The following TRIM24 variants were observed in gnomAD, a reference collection of about 807,000 sequenced individuals.
TRIM24 encodes transcription intermediary factor 1-alpha.
TRIM24 carries 29 observed loss-of-function variants against 123.9 expected under a neutral mutation model. That is an observed-to-expected ratio of 0.23 (90% CI 0.17 to 0.32). The LOEUF (loss-of-function observed/expected upper bound fraction) is 0.32. TRIM24 is among the 10% of genes least tolerant of loss of function. The probability of loss-of-function intolerance (pLI) is 1.00; values close to 1 mark genes in which losing one functional copy is unlikely to be tolerated. For missense variants in TRIM24, 932 were observed against 1,295.3 expected (o/e 0.72, Z 4.31); for synonymous variants, 456 against 461.1 (o/e 0.99, Z 0.14).
At chr7:138,557,072 GAGTAATGGTAAGGGGCATGAGGAGAT>G (rs1310261725) in intron 9 of TRIM24, among the ~76,000 whole-genome samples, 4 of 152,190 alleles carry the variant, frequency 2.6e-5, no homozygotes, top group Non-Finnish European at 5.9e-5. Flanking sequence ...CCTGGAAATT[GAGTAATGGTAAGGGGCATGAGGAGAT>G]AGTAAAGGAA....
chr7:138,581,023 A>G (rs1406702212), intron 16 of TRIM24, among the ~76,000 whole-genome samples: 1 of 152,186 alleles, frequency 6.6e-6, no homozygotes, highest in African/African-American at 2.4e-5. Flanking sequence ...ACTGCCACCA[A>G]GGAGCTGGGT....
chr7:138,473,626 G>C (rs1364166085), intron 1 of TRIM24, among the ~76,000 whole-genome samples: 1 of 152,188 alleles, frequency 6.6e-6, no homozygotes, highest in Admixed American at 6.5e-5. Flanking sequence ...GCCTTTATCA[G>C]CTATTACTGT....
intron 1 of TRIM24, among the ~76,000 whole-genome samples, chr7:138,474,353 C>T (rs1442245222): frequency 6.6e-6 from 1 of 151,612 alleles, no homozygotes; most frequent in Admixed American, 6.6e-5. Flanking sequence ...TCTCTATCTC[C>T]TGACCTCGTG....
chr7:138,578,590 C>T (rs1797823306), intron 14 of TRIM24, among the ~76,000 whole-genome samples: 1 of 149,558 alleles, frequency 6.7e-6, no homozygotes, highest in Admixed American at 6.7e-5. Flanking sequence ...GGAAGCAGGA[C>T]GGGGTTGGAG....
At chr7:138,532,440 C>A (rs1796768338) in intron 6 of TRIM24, among the ~76,000 whole-genome samples, 1 of 152,128 alleles carries the variant, frequency 6.6e-6, no homozygotes, top group South Asian at 2.1e-4. Flanking sequence ...ATATGGCTAG[C>A]CAGTTTTCCC....
At chr7:138,517,798 GTTTCA>G (rs139082432) in intron 3 of TRIM24, among the ~76,000 whole-genome samples, 1,711 of 152,138 alleles carry the variant, frequency 0.011, 34 homozygotes, top group African/African-American at 0.039. Flanking sequence ...ACTGAGCATT[GTTTCA>G]TTTCAGTTAT....
At chr7:138,462,338 CTT>C (rs34920255) in intron 1 of TRIM24, among the ~76,000 whole-genome samples, 32 of 124,370 alleles carry the variant, frequency 2.6e-4, no homozygotes, top group African/African-American at 4.2e-4. Context: ...GTGCAAAAAT[CTT>C]TTTTTTTTTT....
chr7:138,554,198 T>TA lies in TRIM24; in HGVS notation c.1262-499dup, dbSNP rs1412673865. Among the ~76,000 whole-genome samples, 1 of 152,196 alleles carries TA rather than the reference T, an allele frequency of 6.6e-6. No homozygotes were observed. The highest frequency in any genetic ancestry group is 1.5e-5 in the Non-Finnish European group (1 of 68,042). On this transcript the variant is annotated intron_variant, in intron 8 of 18. Coordinates refer to ENST00000343526, the MANE Select transcript of TRIM24 (RefSeq NM_015905.3). The surrounding 1 kb of genome is among the most constrained non-coding windows in gnomAD (Gnocchi z 4.5). Reference sequence around the variant, plus strand: ...CCAAACACACATTCTTCTTAGGCCATACAGGGTCACTCACAGGGTACACTT... The same window carrying TA: ...CCAAACACACATTCTTCTTAGGCCATAACAGGGTCACTCACAGGGTACACTT...
intron 1 of TRIM24, among the ~76,000 whole-genome samples, chr7:138,469,068 T>C (rs1047116047): frequency 3.3e-5 from 5 of 152,240 alleles, no homozygotes; most frequent in Non-Finnish European, 5.9e-5. Flanking sequence ...AAGGTATCTG[T>C]CCTGGTAATA....
At chr7:138,466,664 T>C (rs1795148668) in intron 1 of TRIM24, among the ~76,000 whole-genome samples, 1 of 152,048 alleles carries the variant, frequency 6.6e-6, no homozygotes, top group Non-Finnish European at 1.5e-5. Context: ...GGAGTTTGCC[T>C]TTTTATTGAA....
In TRIM24 at chr7:138,570,984, A is replaced by G; in HGVS notation, c.1859A>G (p.Asn620Ser). The change falls in exon 11 of 19, where the codon AAT becomes AGT. Residue 620 changes from asparagine (N) to serine (S), a missense_variant. Transcript: ENST00000343526. ...AGCTCACCAGTGGGAGGGTCTTATAATCTTCCCTCTCTTCCGGATGTAAGT... is the reference window on the plus strand; with the variant it reads ...AGCTCACCAGTGGGAGGGTCTTATAGTCTTCCCTCTCTTCCGGATGTAAGT... The part of the protein sequence containing the change: ...DLSSPVGGSY[N>S]LPSLPDIDCS... 2 of 1,613,930 alleles carry G rather than the reference A, an allele frequency of 1.2e-6. No individual in the cohort carries two copies. Among genetic ancestry groups the G allele is most frequent in the Non-Finnish European group, 1.7e-6 (2 of 1,179,916 alleles).
At chr7:138,474,840 A>C (rs1299595935) in intron 1 of TRIM24, among the ~76,000 whole-genome samples, 1 of 152,136 alleles carries the variant, frequency 6.6e-6, no homozygotes, top group Non-Finnish European at 1.5e-5. Context: ...TTGAGTCTGT[A>C]TTAAAGCCAA....
chr7:138,502,227 G>A (rs1014838965), intron 1 of TRIM24, among the ~76,000 whole-genome samples: 3 of 152,180 alleles, frequency 2.0e-5, no homozygotes, highest in African/African-American at 7.2e-5. Context: ...GGACGGTACA[G>A]GGCTTACTGC....
At chr7:138,502,203 A>G (rs1796055054) in intron 1 of TRIM24, among the ~76,000 whole-genome samples, 3 of 152,178 alleles carry the variant, frequency 2.0e-5, no homozygotes, top group Admixed American at 2.0e-4. Context: ...AGCTATTGTC[A>G]TCTGATTTTA....
At position 138,540,733 on chromosome 7, in the gene TRIM24, G is replaced by A. The variant is rs1796986770; in HGVS notation, c.1143+1930G>A. ...CCATGAATCACTAAGGTTCTTAATG[G>A]CATCTAGAATAATGAATCCTTTCTA... On this transcript the variant is annotated intron_variant, in intron 7 of 18. Transcript: ENST00000343526. 1.3e-5 allele frequency among the ~76,000 whole-genome samples: 2 copies of A among 152,206 alleles called. 1 individual carries two copies. Among genetic ancestry groups the A allele is most frequent in the South Asian group, 4.1e-4 (2 of 4,830 alleles).
chr7:138,551,294 G>A (rs1383532778), intron 8 of TRIM24, 114 bp downstream of exon 8: 3 of 893,592 alleles, frequency 3.4e-6, no homozygotes, highest in Non-Finnish European at 5.4e-6. Context: ...GCTCACATCT[G>A]TAATCCTAGC....
chr7:138,567,416 AGAGATT>A, intron 9 of TRIM24, 59 bp from the exon 10 acceptor site: 1 of 1,436,408 alleles, frequency 7.0e-7, no homozygotes. Flanking sequence ...TTTATAAGAT[AGAGATT>A]TATAATTTGT....
chr7:138,545,162 G>A (rs961305009), intron 7 of TRIM24, among the ~76,000 whole-genome samples: 2 of 148,872 alleles, frequency 1.3e-5, no homozygotes, highest in South Asian at 2.1e-4. Context: ...CATAAAATCT[G>A]CGTGTGTGTG....
At chr7:138,467,859 G>T (rs1044740685) in intron 1 of TRIM24, among the ~76,000 whole-genome samples, 4 of 150,766 alleles carry the variant, frequency 2.7e-5, no homozygotes, top group African/African-American at 9.7e-5. Context: ...ACGATTATTG[G>T]TTTCATCCCA....
Sources: allele counts gnomAD v4.1 joint callset (sites outside exome capture counted in the v4.1 genomes callset), GRCh38; gene constraint gnomAD v4.1.1; non-coding constraint Gnocchi (gnomAD v3.1); transcripts MANE v1.5; gene names NCBI Gene and HGNC (gene_info 2026-07-23, HGNC 2026-07-21).